The following TUSC3 variants were observed in gnomAD, a reference collection of about 807,000 sequenced individuals.
TUSC3 encodes dolichyl-diphosphooligosaccharide--protein glycosyltransferase subunit TUSC3.
In TUSC3, 45 loss-of-function variants were observed where a neutral mutation model predicts 44.8. That is an observed-to-expected ratio of 1.00 (90% CI 0.79 to 1.29). The LOEUF (loss-of-function observed/expected upper bound fraction) is 1.29. Among genes scored for constraint, TUSC3 ranks in the 50% most tolerant of loss-of-function variants. The probability of loss-of-function intolerance (pLI) is 0.00; values close to 1 mark genes in which losing one functional copy is unlikely to be tolerated. For synonymous variants in TUSC3, 212 were observed against 152.9 expected, an observed-to-expected ratio of 1.39 and a Z score of -2.85; for missense variants, 519 against 437.9, an observed-to-expected ratio of 1.19 and a Z score of -1.65.
At chr8:15,603,931 G>T (rs1017160498) in intron 1 of TUSC3, among the ~76,000 whole-genome samples, 1 of 151,490 alleles carries the variant, frequency 6.6e-6, no homozygotes, top group Non-Finnish European at 1.5e-5. Context: ...AACCCTTTTA[G>T]AGTGACTTTT....
intron 3 of TUSC3, among the ~76,000 whole-genome samples, chr8:15,658,657 C>CACACACACACACACACAT (rs1186873286): frequency 6.6e-6 from 1 of 150,606 alleles, no homozygotes; most frequent in African/African-American, 2.5e-5. Context: ...CACACACACA[C>CACACACACACACACACAT]ACAAATACAA....
the TUSC3 span, among the ~76,000 whole-genome samples, chr8:15,810,766 A>G: frequency 6.6e-6 from 1 of 152,166 alleles, no homozygotes; most frequent in Non-Finnish European, 1.5e-5. Context: ...TGTCTTTTGT[A>G]GGGGAGATTT....
At chr8:15,514,763 T>A (rs1027504009) in intron 2 of TUSC3, among the ~76,000 whole-genome samples, 1 of 152,240 alleles carries the variant, frequency 6.6e-6, no homozygotes, top group Non-Finnish European at 1.5e-5. Context: ...ATGGTGCTCA[T>A]GAGCCCTTTG....
chr8:15,675,985 C>G (rs1048906850), intron 6 of TUSC3, among the ~76,000 whole-genome samples: 6 of 152,052 alleles, frequency 3.9e-5, no homozygotes, highest in Non-Finnish European at 8.8e-5. Context: ...GTAGTTCTAT[C>G]TTAAGTTCTT....
the TUSC3 span, among the ~76,000 whole-genome samples, chr8:15,775,425 C>T: frequency 5.3e-5 from 8 of 151,762 alleles, no homozygotes; most frequent in African/African-American, 9.7e-5. Context: ...CTCAATTATA[C>T]GTATTAAGTT....
At chr8:15,736,617 T>C (rs1167887934) in intron 7 of TUSC3, among the ~76,000 whole-genome samples, 1 of 152,202 alleles carries the variant, frequency 6.6e-6, no homozygotes, top group African/African-American at 2.4e-5. Context: ...AAAACAGACA[T>C]GTAATTACAA....
chr8:15,534,574 C>T (rs541859108), intron 2 of TUSC3, among the ~76,000 whole-genome samples: 5 of 145,926 alleles, frequency 3.4e-5, no homozygotes, highest in African/African-American at 7.6e-5. Flanking sequence ...ACCTGGGAGG[C>T]GGAGCTTGCC....
intron 2 of TUSC3, among the ~76,000 whole-genome samples, chr8:15,511,075 C>A (rs1483788282): frequency 6.6e-6 from 1 of 152,088 alleles, no homozygotes; most frequent in Non-Finnish European, 1.5e-5. Context: ...CGTCCTCTAC[C>A]CGATAAAGGA....
intron 5 of TUSC3, among the ~76,000 whole-genome samples, chr8:15,668,731 G>C (rs1319453535): frequency 1.3e-5 from 2 of 151,754 alleles, no homozygotes; most frequent in Admixed American, 1.3e-4. Flanking sequence ...ACAAATATCT[G>C]AGTAGCTGTT....
intron 1 of TUSC3, among the ~76,000 whole-genome samples, chr8:15,470,329 G>A (rs1255556842): frequency 1.3e-5 from 2 of 151,812 alleles, no homozygotes; most frequent in African/African-American, 4.8e-5. Flanking sequence ...GAACAAAGAG[G>A]TTTTTAGGGC....
intron 1 of TUSC3, among the ~76,000 whole-genome samples, chr8:15,426,681 T>A (rs1799808380): frequency 6.6e-6 from 1 of 152,240 alleles, no homozygotes; most frequent in East Asian, 1.9e-4. Context: ...TTCATGAATG[T>A]TGTAATGAAC....
intron 2 of TUSC3, among the ~76,000 whole-genome samples, chr8:15,520,473 T>C (rs1475438708): frequency 6.6e-6 from 1 of 152,232 alleles, no homozygotes; most frequent in East Asian, 1.9e-4. Flanking sequence ...TTGTTGGTCA[T>C]GGTTAGCTTC....
chr8:15,538,406 G>T (rs1801559955), upstream of TUSC3, among the ~76,000 whole-genome samples: 2 of 152,170 alleles, frequency 1.3e-5, no homozygotes, highest in South Asian at 4.1e-4. Context: ...TCACATAATA[G>T]TGGGAAATCA....
At chr8:15,580,941 A>G (rs1205599892) in intron 1 of TUSC3, among the ~76,000 whole-genome samples, 1 of 117,686 alleles carries the variant, frequency 8.5e-6, no homozygotes, top group East Asian at 2.5e-4. Context: ...TCTCCCCATC[A>G]CTTTCAGGTA....
intron 1 of TUSC3, among the ~76,000 whole-genome samples, chr8:15,467,277 C>CA (rs11371796): frequency 0.27 from 27,475 of 102,842 alleles, 2,947 homozygotes; most frequent in Admixed American, 0.34. Context: ...GTTCTTTAGC[C>CA]AAAAAAAAAA....
At chr8:15,623,288 C>G (rs1246322883) in intron 2 of TUSC3, 39 bp downstream of exon 2, 3 of 1,523,204 alleles carry the variant, frequency 2.0e-6, no homozygotes, top group South Asian at 1.3e-5. Flanking sequence ...AACTATTATT[C>G]TTGGTTTACA....
the TUSC3 span, among the ~76,000 whole-genome samples, chr8:15,807,498 G>A: frequency 1.3e-5 from 2 of 152,032 alleles, no homozygotes; most frequent in Admixed American, 6.6e-5. Context: ...ACTACCGTTC[G>A]ACCCAGAAAT....
At chr8:15,762,800 T>C (rs890100640) in intron 10 of TUSC3, among the ~76,000 whole-genome samples, 1 of 152,110 alleles carries the variant, frequency 6.6e-6, no homozygotes, top group East Asian at 1.9e-4. Flanking sequence ...CCACAGTTCA[T>C]GTACAGCTGG....
At chr8:15,839,229 A>T in the TUSC3 span, among the ~76,000 whole-genome samples, 1 of 152,172 alleles carries the variant, frequency 6.6e-6, no homozygotes, top group Non-Finnish European at 1.5e-5. Context: ...ACTTTGGTGA[A>T]GTTCCTTATC....
Sources: allele counts gnomAD v4.1 joint callset (sites outside exome capture counted in the v4.1 genomes callset), GRCh38; gene constraint gnomAD v4.1.1; transcripts MANE v1.5; gene names NCBI Gene and HGNC (gene_info 2026-07-23, HGNC 2026-07-21).